ALMS1: variants seen among roughly 807,000 people sequenced by gnomAD.
The protein encoded by ALMS1 is ALMS1 centrosome and basal body associated protein, also known as centrosome-associated protein ALMS1.
Under a neutral mutation model 352.2 loss-of-function variants are expected in ALMS1, and 271 were observed. The ratio of observed to expected loss-of-function variants is 0.77; its 90% confidence interval spans 0.70 to 0.85. The LOEUF (loss-of-function observed/expected upper bound fraction) is 0.85. Among genes scored for constraint, ALMS1 ranks in the 40% least tolerant of loss-of-function variants. The pLI is 0.00. For synonymous variants in ALMS1, 1,865 were observed against 1,761.2 expected (o/e 1.06, Z -1.48); for missense variants, 5,445 against 4,870.7 (o/e 1.12, Z -3.51).
chr2:73,449,919 A>T lies in ALMS1; in HGVS notation c.3392A>T (p.Asp1131Val). The T allele has an allele frequency of 6.2e-7, 1 of 1,613,902 alleles. No individual in the cohort carries two copies. Among genetic ancestry groups the T allele is most frequent in the South Asian group, 1.1e-5 (1 of 91,064 alleles). ...ATTTCAGTAGCTCCTGGACTAGCAG[A>T]CCAGAAGACTGGCACACCAACTGTA... ...LKISVAPGLA[D>V]QKTGTPTVTS... Residue 1131 changes from aspartate to valine, a missense_variant, in exon 8 of 23, where the codon GAC (aspartate) becomes GTC (valine). Asp to Val is a radical substitution (Grantham distance 152). Coordinates refer to ENST00000613296, the MANE Select transcript of ALMS1 (RefSeq NM_001378454.1).
chr2:73,396,982 C>G (rs1053111622), intron 1 of ALMS1, among the ~76,000 whole-genome samples: 1 of 152,076 alleles, frequency 6.6e-6, no homozygotes. Flanking sequence ...GGCAAGTTTT[C>G]TAAGAAGAAC....
In ALMS1 at chr2:73,608,499, A is replaced by G. The variant is rs1299075805; in HGVS notation, c.12387A>G (p.Val4129=). Residue 4129 remains valine, a synonymous_variant, in exon 22 of 23, where the codon GTA becomes GTG. Coordinates refer to ENST00000613296, the MANE Select transcript of ALMS1 (RefSeq NM_001378454.1). ...SKRIYEQLPE[V]QKKREEEKRK... Reference sequence around the variant, plus strand: ...GGATTTATGAGCAGCTTCCAGAAGTACAGAAAAAGAGAGAAGAAGAGAAGA... The same window carrying G: ...GGATTTATGAGCAGCTTCCAGAAGTGCAGAAAAAGAGAGAAGAAGAGAAGA... 6.2e-7 allele frequency: 1 copy of G among 1,613,970 alleles called. No homozygotes were observed.
intron 7 of ALMS1, among the ~76,000 whole-genome samples, chr2:73,435,319 G>A (rs1292863974): frequency 6.6e-6 from 1 of 151,792 alleles, no homozygotes; most frequent in African/African-American, 2.4e-5. Flanking sequence ...TCCTTTTTCT[G>A]TTCCCCTTTT....
intron 9 of ALMS1, among the ~76,000 whole-genome samples, chr2:73,482,246 C>T (rs1435427616): frequency 3.3e-5 from 5 of 152,130 alleles, no homozygotes; most frequent in African/African-American, 9.7e-5. Flanking sequence ...TTTTGAAATA[C>T]GTCCCATCAA....
chr2:73,500,781 T>C (rs1673202480), intron 10 of ALMS1, among the ~76,000 whole-genome samples: 1 of 152,208 alleles, frequency 6.6e-6, no homozygotes, highest in African/African-American at 2.4e-5. Flanking sequence ...CTCATTACCA[T>C]TTTGATGATA....
chr2:73,567,801 T>G (rs1016312691), intron 15 of ALMS1, among the ~76,000 whole-genome samples: 3 of 152,202 alleles, frequency 2.0e-5, no homozygotes, highest in Non-Finnish European at 2.9e-5. Flanking sequence ...GTTTTCTGAC[T>G]TTTCTAATAA....
At chr2:73,413,160 T>G (rs1386199061) in intron 2 of ALMS1, among the ~76,000 whole-genome samples, 1 of 152,056 alleles carries the variant, frequency 6.6e-6, no homozygotes, top group Non-Finnish European at 1.5e-5. Flanking sequence ...TCTGCCTGAT[T>G]TTTTGTGGCT....
Position 73,609,691 on chromosome 2 carries a change from G to T in ALMS1, c.*79G>T, listed in dbSNP as rs1394997278. 7 of 1,373,982 alleles carry T rather than the reference G, an allele frequency of 5.1e-6. No homozygotes were observed. The highest frequency in any genetic ancestry group is 2.9e-5 in the African/African-American group (2 of 70,058). The allele number at this position is 1,373,982 out of a possible 1,614,324, so 85.1% of individuals were successfully genotyped here. On this transcript the variant is annotated 3_prime_UTR_variant, in exon 23 of 23. Transcript: ENST00000613296. The stretch of plus-strand genomic sequence containing the variant: ...GCAGAATCCTTACTTTTGTGAGTCT[G>T]GTTGAATAAAGCTTATTCTTTGTCC...
intron 11 of ALMS1, among the ~76,000 whole-genome samples, chr2:73,520,705 T>G (rs1673658245): frequency 6.6e-6 from 1 of 152,180 alleles, no homozygotes; most frequent in Admixed American, 6.5e-5. Flanking sequence ...GAAGAAGAAA[T>G]GGATTTTGGT....
intron 10 of ALMS1, among the ~76,000 whole-genome samples, chr2:73,504,613 A>G (rs1673283441): frequency 6.6e-6 from 1 of 152,204 alleles, no homozygotes; most frequent in Non-Finnish European, 1.5e-5. Context: ...TCAGTAGTTA[A>G]TTTCTTTGTA....
At chr2:73,425,732 C>A (rs771312677) in intron 5 of ALMS1, among the ~76,000 whole-genome samples, 5 of 152,196 alleles carry the variant, frequency 3.3e-5, no homozygotes, top group East Asian at 3.9e-4. Flanking sequence ...AATGATGAAA[C>A]CTCTTTATTT....
intron 9 of ALMS1, chr2:73,462,849 A>T (rs1163178184): frequency 6.6e-6 from 1 of 152,096 alleles, no homozygotes; most frequent in South Asian, 2.1e-4. Flanking sequence ...AAAGATCAAA[A>T]GAGACAAAGA....
intron 13 of ALMS1, among the ~76,000 whole-genome samples, chr2:73,554,367 A>G (rs980413131): frequency 2.0e-5 from 3 of 152,040 alleles, no homozygotes; most frequent in Non-Finnish European, 4.4e-5. Context: ...AGGAATGTGT[A>G]GGTAAATTCA....
intron 7 of ALMS1, among the ~76,000 whole-genome samples, chr2:73,444,187 G>T (rs1671766547): frequency 6.6e-6 from 1 of 152,132 alleles, no homozygotes; most frequent in Non-Finnish European, 1.5e-5. Flanking sequence ...TTAGTTTGGG[G>T]CAGGACTTTG....
chr2:73,442,609 C>T (rs182605753), intron 7 of ALMS1, among the ~76,000 whole-genome samples: 90 of 152,232 alleles, frequency 5.9e-4, no homozygotes, highest in African/African-American at 2.1e-3. Context: ...GAAAGAGTCT[C>T]GATGATTGTT....
Position 73,448,561 on chromosome 2 carries a change from C to G in ALMS1, c.2034C>G (p.Phe678Leu). The G allele has an allele frequency of 1.2e-6, 2 of 1,613,922 alleles. No individual in the cohort carries two copies. The highest frequency in any genetic ancestry group is 1.7e-6 in the Non-Finnish European group (2 of 1,179,904). Reference protein sequence around the residue: ...SHSHVEDLLFFYRQTLPDGHL... With the variant: ...SHSHVEDLLFLYRQTLPDGHL... ...CACATGTAGAGGACCTCCTCTTTTT[C>G]TATCGACAGACCTTGCCAGATGGTC... is the stretch of plus-strand genomic sequence containing the variant. Residue 678 changes from phenylalanine to leucine, a missense_variant, in exon 8 of 23, where the codon TTC becomes TTG. Physicochemically the swap from Phe to Leu is conservative, Grantham distance 22. Coordinates refer to ENST00000613296, the MANE Select transcript of ALMS1 (RefSeq NM_001378454.1).
intron 19 of ALMS1, among the ~76,000 whole-genome samples, chr2:73,601,839 C>T (rs1675696893): frequency 6.6e-6 from 1 of 152,156 alleles, no homozygotes; most frequent in Non-Finnish European, 1.5e-5. Context: ...CTGATGTGTC[C>T]CTTGGGGGAT....
intron 9 of ALMS1, among the ~76,000 whole-genome samples, chr2:73,480,184 T>G (rs1244482471): frequency 1.3e-5 from 2 of 152,088 alleles, no homozygotes; most frequent in Non-Finnish European, 2.9e-5. Context: ...CACTAACTTG[T>G]CATCTAGCAT....
chr2:73,608,792 T>C (rs540232887), intron 22 of ALMS1, among the ~76,000 whole-genome samples: 1 of 152,352 alleles, frequency 6.6e-6, no homozygotes, highest in East Asian at 1.9e-4. Flanking sequence ...TAAGGCCCTT[T>C]CCATGCATTC....
Sources: allele counts gnomAD v4.1 joint callset (sites outside exome capture counted in the v4.1 genomes callset), GRCh38; gene constraint gnomAD v4.1.1; transcripts MANE v1.5; gene names NCBI Gene and HGNC (gene_info 2026-07-23, HGNC 2026-07-21).